The following QSOX1 variants were observed in gnomAD, a reference collection of about 807,000 sequenced individuals.
QSOX1 encodes sulfhydryl oxidase 1.
In QSOX1, 40 loss-of-function variants were observed where a neutral mutation model predicts 76.1. The observed-to-expected ratio is 0.53, with a 90% confidence interval of 0.41 to 0.68. The LOEUF (loss-of-function observed/expected upper bound fraction) is 0.68, where lower values mean the gene tolerates loss of function less well. Among genes scored for constraint, QSOX1 ranks in the 30% least tolerant of loss-of-function variants. QSOX1 has a pLI of 0.00. For missense variants in QSOX1, 931 were observed against 974.3 expected, an observed-to-expected ratio of 0.96 and a Z score of 0.59; for synonymous variants, 392 against 413.1, an observed-to-expected ratio of 0.95 and a Z score of 0.62.
At chr1:180,173,737 G>A (rs1182998701) in intron 2 of QSOX1, among the ~76,000 whole-genome samples, 7 of 152,192 alleles carry the variant, frequency 4.6e-5, no homozygotes, top group Non-Finnish European at 7.3e-5. Flanking sequence ...TGTTTAAAAG[G>A]TATGAAGGAG....
intron 6 of QSOX1, among the ~76,000 whole-genome samples, chr1:180,183,475 AG>A (rs1283894512): frequency 6.6e-6 from 1 of 152,170 alleles, no homozygotes; most frequent in East Asian, 1.9e-4. Flanking sequence ...TGGACTTCTT[AG>A]GGGGTAATGT....
chr1:180,196,810 C>A lies in QSOX1; in HGVS notation c.2017C>A (p.Arg673Ser), dbSNP rs772379731. ...CCCTTTGGAGGTCAGGCGCGTGGGC[C>A]GCAGCTCCAAGCAGCTGGTCGACAT... ...WGPLEVRRVG[R>S]SSKQLVDIPE... Residue 673 changes from arginine to serine, a missense_variant, in exon 12 of 12, where the codon CGC becomes AGC. Transcript: ENST00000367602. The surrounding 1 kb of genome is among the most constrained non-coding windows in gnomAD (Gnocchi z 4.1). 6.2e-7 allele frequency: 1 copy of A among 1,612,402 alleles called. No homozygotes were observed. The highest frequency in any genetic ancestry group is 8.5e-7 in the Non-Finnish European group (1 of 1,178,720).
Position 180,196,447 on chromosome 1 carries a change from C to T in QSOX1, c.1654C>T (p.Arg552Trp), listed in dbSNP as rs140386908. The change falls in exon 12 of 12, where the codon CGG becomes TGG. Residue 552 changes from arginine to tryptophan, a missense_variant. Physicochemically the swap from Arg to Trp is moderately radical, Grantham distance 101 (BLOSUM62 -3). Coordinates refer to ENST00000367602, the MANE Select transcript of QSOX1 (RefSeq NM_002826.5). This position sits in a 1 kb window ranked among gnomAD's most constrained non-coding sequence, Gnocchi z 4.1. ...LDFPAAGSAARRDVQNVAAAP... is the reference protein window; with the variant it reads ...LDFPAAGSAAWRDVQNVAAAP... ...CTTCCCTGCAGCTGGGTCAGCTGCC[C>T]GGAGGGATGTGCAGAATGTGGCAGC... The T allele has an allele frequency of 3.3e-3, 5,407 of 1,614,056 alleles. 11 individuals are homozygous for T. The highest frequency in any genetic ancestry group is 4.2e-3 in the Non-Finnish European group (4,991 of 1,179,968).
chr1:180,193,339 G>A (rs1211589131), intron 10 of QSOX1, among the ~76,000 whole-genome samples: 3 of 151,760 alleles, frequency 2.0e-5, no homozygotes, highest in Non-Finnish European at 4.4e-5. Context: ...TGGGGAGGTG[G>A]GCACCTGTGC....
In QSOX1 at chr1:180,201,129, C is replaced by CG. The variant is rs1663628468; in HGVS notation, c.*4095dup. On this transcript the variant is annotated 3_prime_UTR_variant, in exon 12 of 12. Coordinates refer to ENST00000367602, the MANE Select transcript of QSOX1 (RefSeq NM_002826.5). ...AAATTGGGGCCGCAGACTTAGTTTG[C>CG]GGGTCCCTGCTAAATTCCTCTCCCT... 1 of 152,186 alleles carries CG rather than the reference C, an allele frequency of 6.6e-6. No homozygotes were observed. Among genetic ancestry groups the CG allele is most frequent in the South Asian group, 2.1e-4 (1 of 4,830 alleles). 9.4% of individuals were successfully genotyped at this position (152,186 alleles called of 1,614,324 possible).
intron 10 of QSOX1, among the ~76,000 whole-genome samples, chr1:180,192,745 G>A (rs1266501156): frequency 6.6e-6 from 1 of 152,156 alleles, no homozygotes; most frequent in Non-Finnish European, 1.5e-5. Flanking sequence ...GGTGTGCACA[G>A]TTGAGTCTGG....
At chr1:180,173,153 G>A (rs189962460) in intron 2 of QSOX1, among the ~76,000 whole-genome samples, 1 of 151,948 alleles carries the variant, frequency 6.6e-6, no homozygotes, top group African/African-American at 2.4e-5. Context: ...GTAGAGATGG[G>A]GCCTCACTGT....
In QSOX1 at chr1:180,197,089, G is replaced by GC; in HGVS notation, c.*57dup. On this transcript the variant is annotated 3_prime_UTR_variant, in exon 12 of 12. Transcript: ENST00000367602. ...GAGCTGCCATCTCTAGGCACCTCAAGCCCCCTGACCCCATTCCCTCCCCTC... is the reference window on the plus strand; with the variant it reads ...GAGCTGCCATCTCTAGGCACCTCAAGCCCCCCTGACCCCATTCCCTCCCCTC... 6.5e-7 allele frequency: 1 copy of GC among 1,549,512 alleles called. No individual in the cohort carries two copies. Among genetic ancestry groups the GC allele is most frequent in the South Asian group, 1.2e-5 (1 of 81,804 alleles).
At chr1:180,190,867 G>A (rs993812326) in intron 10 of QSOX1, among the ~76,000 whole-genome samples, 3 of 151,994 alleles carry the variant, frequency 2.0e-5, no homozygotes. Context: ...TCTTTCTCCG[G>A]GCTTATAGTT....
chr1:180,183,928 C>T lies in QSOX1; in HGVS notation c.765C>T (p.Ser255=), dbSNP rs1663102626. 1.2e-6 allele frequency: 2 copies of T among 1,613,698 alleles called. No individual in the cohort carries two copies. Among genetic ancestry groups the T allele is most frequent in the Admixed American group, 1.7e-5 (1 of 59,990 alleles). Residue 255 remains serine, a synonymous_variant, in exon 7 of 12, where the codon TCC becomes TCT. Coordinates refer to ENST00000367602, the MANE Select transcript of QSOX1 (RefSeq NM_002826.5). Reference sequence around the variant, plus strand: ...TGTGCCCTCACAGGCTCATGGAATCCAGGTCCTTCTATACCGCTTACCTGC... The same window carrying T: ...TGTGCCCTCACAGGCTCATGGAATCTAGGTCCTTCTATACCGCTTACCTGC... The part of the protein sequence containing the change: ...SVSRVPVLME[S]RSFYTAYLQR...
chr1:180,174,184 CG>C (rs1662824798), intron 2 of QSOX1, among the ~76,000 whole-genome samples: 1 of 152,230 alleles, frequency 6.6e-6, no homozygotes, highest in South Asian at 2.1e-4. Flanking sequence ...GTTCAGTGGC[CG>C]GCTTCCAGGA....
intron 8 of QSOX1, among the ~76,000 whole-genome samples, chr1:180,188,696 C>T (rs1197165003): frequency 6.6e-6 from 1 of 152,210 alleles, no homozygotes; most frequent in African/African-American, 2.4e-5. Context: ...GTTCAGTTAC[C>T]ATTCGTGTCT....
At chr1:180,184,072 C>T in intron 7 of QSOX1, 22 bp downstream of exon 7, 1 of 1,612,310 alleles carries the variant, frequency 6.2e-7, no homozygotes, top group Non-Finnish European at 8.5e-7. Flanking sequence ...CCTGGTTCTC[C>T]TCACTTCTTC....
chr1:180,178,923 C>A, intron 5 of QSOX1, 39 bp downstream of exon 5: 1 of 1,562,060 alleles, frequency 6.4e-7, no homozygotes, highest in Non-Finnish European at 8.8e-7. Context: ...CTTGGATAGC[C>A]ATGGAGAGAG....
chr1:180,197,307 C>G lies in QSOX1; in HGVS notation c.*270C>G, dbSNP rs1325102966. ...CATAGGGCAGCTCAGTCCCTGGCCT[C>G]TTAGCACCACATTCCTGTTTTTCAG... On this transcript the variant is annotated 3_prime_UTR_variant, in exon 12 of 12. Transcript: ENST00000367602. The G allele has an allele frequency of 6.2e-7, 1 of 1,613,864 alleles. No individual in the cohort carries two copies. The highest frequency in any genetic ancestry group is 2.2e-5 in the East Asian group (1 of 44,874).
intron 10 of QSOX1, among the ~76,000 whole-genome samples, chr1:180,193,211 C>T (rs1004259800): frequency 1.3e-5 from 2 of 151,942 alleles, no homozygotes; most frequent in African/African-American, 4.8e-5. Flanking sequence ...AAATGGATGA[C>T]GCAGTAAAGA....
In QSOX1 at chr1:180,190,566, A is replaced by T. The variant is rs762400138; in HGVS notation, c.1274A>T (p.His425Leu). ...TVQAARQNVD[H>L]SQEAAKAKEV... ...CAGGCAGCTCGGCAAAATGTAGACC[A>T]CTCACAGGAAGCAGGTACGTCCAGG... is the stretch of plus-strand genomic sequence containing the variant. The change falls in exon 10 of 12, where the codon CAC (histidine) becomes CTC (leucine). Residue 425 changes from histidine to leucine, a missense_variant. Transcript: ENST00000367602. 5 of 1,613,532 alleles carry T rather than the reference A, an allele frequency of 3.1e-6. No individual in the cohort carries two copies. The highest frequency in any genetic ancestry group is 1.7e-6 in the Non-Finnish European group (2 of 1,179,628).
intron 7 of QSOX1, 127 bp from the exon 8 acceptor site, chr1:180,185,926 A>G (rs1572051193): frequency 8.5e-7 from 1 of 1,178,740 alleles, no homozygotes; most frequent in East Asian, 2.3e-5. Context: ...GCCAGTGGTA[A>G]CTTACAAGAC....
rs937157023 is a variant in QSOX1, at chr1:180,156,341, G to T, written c.265+1169G>T. On this transcript the variant is annotated intron_variant, in intron 1 of 11. Coordinates refer to ENST00000367602, the MANE Select transcript of QSOX1 (RefSeq NM_002826.5). Reference sequence around the variant, plus strand: ...TACTTCCTGACTCTGGTGCTAGGTCGCTAGCACGGCCTCCTACCCTGAAAT... The same window carrying T: ...TACTTCCTGACTCTGGTGCTAGGTCTCTAGCACGGCCTCCTACCCTGAAAT... Among the ~76,000 whole-genome samples, 5 of 152,180 alleles carry T rather than the reference G, an allele frequency of 3.3e-5. No individual in the cohort carries two copies. The East Asian group carries it at 9.6e-4, about 29-fold the overall frequency.
Sources: allele counts gnomAD v4.1 joint callset (sites outside exome capture counted in the v4.1 genomes callset), GRCh38; gene constraint gnomAD v4.1.1; non-coding constraint Gnocchi (gnomAD v3.1); transcripts MANE v1.5; gene names NCBI Gene and HGNC (gene_info 2026-07-23, HGNC 2026-07-21).